PRR16: variants seen among roughly 807,000 people sequenced by gnomAD.
The protein encoded by PRR16 is proline rich 16.
In PRR16, 6 loss-of-function variants were observed where a neutral mutation model predicts 18.2. The ratio of observed to expected loss-of-function variants is 0.33; its 90% CI spans 0.18 to 0.65. PRR16 has a LOEUF of 0.65. Among genes scored for constraint, PRR16 ranks in the 30% least tolerant of loss-of-function variants. The pLI is 0.74. For missense variants in PRR16, 412 were observed against 376.6 expected (o/e 1.09, Z -0.78); for synonymous variants, 151 against 147.8 (o/e 1.02, Z -0.16).
chr5:120,699,987 C>T, the PRR16 span, among the ~76,000 whole-genome samples: 15 of 152,224 alleles, frequency 9.9e-5, no homozygotes, highest in East Asian at 2.5e-3. Flanking sequence ...ATTTGCTGAG[C>T]TTGATGGGTG....
chr5:120,582,212 G>A (rs537844092), intron 1 of PRR16, among the ~76,000 whole-genome samples: 1 of 152,182 alleles, frequency 6.6e-6, no homozygotes, highest in African/African-American at 2.4e-5. Context: ...AACAGAAAAT[G>A]AAATACTGCA....
chr5:120,787,861 C>T, the PRR16 span, among the ~76,000 whole-genome samples: 1 of 152,160 alleles, frequency 6.6e-6, no homozygotes, highest in African/African-American at 2.4e-5. Flanking sequence ...GCATAAATAT[C>T]TACTTTTACA....
chr5:120,502,837 G>A (rs1236960488), intron 1 of PRR16, among the ~76,000 whole-genome samples: 2 of 152,124 alleles, frequency 1.3e-5, no homozygotes, highest in African/African-American at 4.8e-5. Flanking sequence ...AGTTAATGCT[G>A]TTGCGTCCCA....
chr5:120,517,841 C>G (rs561176576), intron 1 of PRR16, among the ~76,000 whole-genome samples: 1 of 152,330 alleles, frequency 6.6e-6, no homozygotes, highest in South Asian at 2.1e-4. Context: ...GTTGTAATTT[C>G]ATCTTTGCCA....
chr5:120,743,525 C>T, the PRR16 span, among the ~76,000 whole-genome samples: 4 of 151,816 alleles, frequency 2.6e-5, no homozygotes, highest in African/African-American at 9.7e-5. Flanking sequence ...TTGTAGTGAA[C>T]TGTCTGAAGA....
intron 1 of PRR16, among the ~76,000 whole-genome samples, chr5:120,653,558 T>G (rs1311558113): frequency 3.3e-5 from 5 of 152,036 alleles, no homozygotes; most frequent in African/African-American, 7.2e-5. Flanking sequence ...AATAAAGAGA[T>G]AAATCTTAAT....
the PRR16 span, among the ~76,000 whole-genome samples, chr5:120,704,276 G>A: frequency 6.6e-6 from 1 of 152,168 alleles, no homozygotes; most frequent in Non-Finnish European, 1.5e-5. Context: ...TTGGAAATGG[G>A]CAGCGATGGA....
chr5:120,504,746 C>T (rs1024685480), intron 1 of PRR16, among the ~76,000 whole-genome samples: 4 of 152,058 alleles, frequency 2.6e-5, no homozygotes, highest in African/African-American at 7.2e-5. Context: ...CCTTTGAAGC[C>T]AAGACTCTTA....
chr5:120,533,626 A>G lies in PRR16; in HGVS notation c.159+68981A>G, dbSNP rs1751621462. ...TCTATCCAGTAAAACCACCAGGGAAAAGTTTCCAAAGCAGGAGCGTGCCTG... is the reference window on the plus strand; with the variant it reads ...TCTATCCAGTAAAACCACCAGGGAAGAGTTTCCAAAGCAGGAGCGTGCCTG... On this transcript the variant is annotated intron_variant, in intron 1 of 1. Transcript: ENST00000407149. Among the ~76,000 whole-genome samples, 6 of 152,268 alleles carry G rather than the reference A, an allele frequency of 3.9e-5. No homozygotes were observed. The South Asian group carries it at 1.0e-3, about 26-fold the overall frequency.
chr5:120,536,329 T>C (rs926885749), intron 1 of PRR16, among the ~76,000 whole-genome samples: 4 of 152,202 alleles, frequency 2.6e-5, no homozygotes, highest in African/African-American at 7.2e-5. Flanking sequence ...GCAGTAGTCA[T>C]CTATAAACCT....
chr5:120,590,743 T>A (rs1753604666), intron 1 of PRR16, among the ~76,000 whole-genome samples: 1 of 152,090 alleles, frequency 6.6e-6, no homozygotes, highest in Admixed American at 6.6e-5. Flanking sequence ...TAACATGGTG[T>A]TGCTGAACAT....
At chr5:120,531,846 A>C (rs888382578) in intron 1 of PRR16, among the ~76,000 whole-genome samples, 1 of 152,212 alleles carries the variant, frequency 6.6e-6, no homozygotes, top group South Asian at 2.1e-4. Flanking sequence ...AAGCATAATT[A>C]ATTCATTGAC....
chr5:120,492,539 T>C (rs1750094728), intron 1 of PRR16, among the ~76,000 whole-genome samples: 1 of 152,202 alleles, frequency 6.6e-6, no homozygotes, highest in Non-Finnish European at 1.5e-5. Flanking sequence ...TAGACCACTC[T>C]TTTAATTTAT....
At chr5:120,732,120 C>T in the PRR16 span, among the ~76,000 whole-genome samples, 1 of 152,060 alleles carries the variant, frequency 6.6e-6, no homozygotes, top group Non-Finnish European at 1.5e-5. Context: ...TTCTTTAGAC[C>T]AAGAGACACA....
intron 1 of PRR16, among the ~76,000 whole-genome samples, chr5:120,572,396 C>A: frequency 6.6e-6 from 1 of 152,256 alleles, no homozygotes; most frequent in East Asian, 1.9e-4. Context: ...AAGGAAGAAT[C>A]AGAGTTGAAC....
At chr5:120,755,415 T>C in the PRR16 span, among the ~76,000 whole-genome samples, 1 of 152,052 alleles carries the variant, frequency 6.6e-6, no homozygotes, top group African/African-American at 2.4e-5. Context: ...CTCCAGAGTC[T>C]ATTGTTGCTA....
intron 1 of PRR16, among the ~76,000 whole-genome samples, chr5:120,664,949 T>C (rs1347395589): frequency 6.6e-6 from 1 of 152,068 alleles, no homozygotes; most frequent in African/African-American, 2.4e-5. Context: ...CAGTGTGATT[T>C]ATAGTCCTTT....
the PRR16 span, among the ~76,000 whole-genome samples, chr5:120,777,368 TTG>T: frequency 5.9e-5 from 9 of 152,230 alleles, no homozygotes; most frequent in African/African-American, 1.4e-4. Context: ...AAAATTGCTG[TTG>T]TGTTTTATTT....
chr5:120,474,486 C>G (rs1221923235), intron 1 of PRR16, among the ~76,000 whole-genome samples: 1 of 152,142 alleles, frequency 6.6e-6, no homozygotes, highest in East Asian at 1.9e-4. Flanking sequence ...CCATCTTATT[C>G]CATATTACTT....
Sources: gnomAD v4.1 joint callset for allele counts (sites outside exome capture counted in the v4.1 genomes callset) on GRCh38, gnomAD v4.1.1 for gene constraint, MANE v1.5 for transcripts, NCBI Gene and HGNC (gene_info 2026-07-23, HGNC 2026-07-21) for gene names.